The following FHIT variants were observed in gnomAD, a reference collection of about 807,000 sequenced individuals.
FHIT encodes the protein fragile histidine triad diadenosine triphosphatase, also known as bis(5'-adenosyl)-triphosphatase.
Under a neutral mutation model 17.9 loss-of-function variants are expected in FHIT, and 19 were observed. The observed-to-expected ratio is 1.06, with a 90% confidence interval of 0.74 to 1.56. The LOEUF is 1.56. Ranked by LOEUF, FHIT falls within the 40% of genes most tolerant of loss-of-function variation. FHIT has a pLI of 0.00. For missense variants in FHIT, 248 were observed against 189.2 expected (o/e 1.31, Z -1.82); for synonymous variants, 81 against 69.7 (o/e 1.16, Z -0.81).
At chr3:59,786,019 C>T (rs1362983037) in intron 8 of FHIT, among the ~76,000 whole-genome samples, 2 of 152,156 alleles carry the variant, frequency 1.3e-5, no homozygotes, top group African/African-American at 4.8e-5. Flanking sequence ...GTTGTTTCTG[C>T]AGTGTCTGAC....
chr3:60,054,524 A>G (rs1396267985), intron 5 of FHIT, among the ~76,000 whole-genome samples: 1 of 152,192 alleles, frequency 6.6e-6, no homozygotes, highest in Non-Finnish European at 1.5e-5. Context: ...AGGGTTTTCA[A>G]ATTATCCAGA....
At chr3:59,885,682 C>T (rs1703593701) in intron 8 of FHIT, among the ~76,000 whole-genome samples, 1 of 152,090 alleles carries the variant, frequency 6.6e-6, no homozygotes, top group Non-Finnish European at 1.5e-5. Flanking sequence ...AATACATGTG[C>T]CTGGGGTGTC....
In FHIT at chr3:60,659,490, A is replaced by G. The variant is rs528681901; in HGVS notation, c.-17-122511T>C. ...TTTTCTTTCTGTTCCTAAGACTCAT[A>G]ATTTCCTTGTCCTATCTTCAAGTTT... On this transcript the variant is annotated intron_variant, in intron 4 of 9. Transcript: ENST00000492590. 8.6e-5 allele frequency among the ~76,000 whole-genome samples: 13 copies of G among 151,944 alleles called. No individual in the cohort carries two copies. The East Asian group carries it at 2.5e-3, about 29-fold the overall frequency.
intron 8 of FHIT, among the ~76,000 whole-genome samples, chr3:59,893,995 T>A (rs554688296): frequency 2.0e-4 from 30 of 152,192 alleles, no homozygotes; most frequent in Non-Finnish European, 3.8e-4. Context: ...CAGGGAGCAG[T>A]GGCTCATGCC....
intron 7 of FHIT, among the ~76,000 whole-genome samples, chr3:59,974,171 CCTGT>C (rs1165026161): frequency 1.3e-5 from 2 of 152,050 alleles, no homozygotes; most frequent in Admixed American, 6.6e-5. Flanking sequence ...GTTACCATTG[CCTGT>C]CTATTAGGCC....
At chr3:61,154,388 T>A (rs1475270767) in intron 2 of FHIT, among the ~76,000 whole-genome samples, 1 of 151,818 alleles carries the variant, frequency 6.6e-6, no homozygotes, top group Non-Finnish European at 1.5e-5. Flanking sequence ...ACCTGCAGAA[T>A]CAGAAAGGGG....
chr3:60,702,184 T>A (rs2041264452), intron 4 of FHIT, among the ~76,000 whole-genome samples: 2 of 152,158 alleles, frequency 1.3e-5, no homozygotes, highest in African/African-American at 2.4e-5. Context: ...TTTTACTGAA[T>A]ATTAACTTCA....
intron 5 of FHIT, among the ~76,000 whole-genome samples, chr3:60,482,047 T>C (rs2033632119): frequency 6.6e-6 from 1 of 152,064 alleles, no homozygotes; most frequent in Non-Finnish European, 1.5e-5. Context: ...CAAAACAAAC[T>C]TTAAACCAAC....
intron 4 of FHIT, among the ~76,000 whole-genome samples, chr3:60,677,644 G>GTA (rs1553695732): frequency 4.0e-5 from 6 of 151,504 alleles, no homozygotes; most frequent in Admixed American, 6.6e-5. Flanking sequence ...ATGTGTGTGT[G>GTA]TATATATATA....
intron 8 of FHIT, among the ~76,000 whole-genome samples, chr3:59,821,527 G>C (rs971180450): frequency 1.3e-5 from 2 of 152,142 alleles, no homozygotes; most frequent in Admixed American, 6.5e-5. Flanking sequence ...AGAGCAGATG[G>C]GATGCTAACT....
At chr3:60,102,079 G>C (rs981515750) in intron 5 of FHIT, among the ~76,000 whole-genome samples, 1 of 152,190 alleles carries the variant, frequency 6.6e-6, no homozygotes, top group Non-Finnish European at 1.5e-5. Flanking sequence ...TGGTGGGTGA[G>C]TCCCAGAAGT....
chr3:60,830,316 G>C (rs535430695), intron 3 of FHIT, among the ~76,000 whole-genome samples: 1 of 152,040 alleles, frequency 6.6e-6, no homozygotes, highest in Non-Finnish European at 1.5e-5. Flanking sequence ...GTAGTCTCCA[G>C]GTTCAGAGGA....
chr3:59,771,879 A>G (rs1702088410), intron 8 of FHIT, among the ~76,000 whole-genome samples: 1 of 152,216 alleles, frequency 6.6e-6, no homozygotes, highest in African/African-American at 2.4e-5. Context: ...TTTCCCTAGA[A>G]AAATGTGTGC....
intron 8 of FHIT, among the ~76,000 whole-genome samples, chr3:59,817,584 A>C (rs907110767): frequency 4.0e-5 from 6 of 151,344 alleles, no homozygotes; most frequent in Non-Finnish European, 7.4e-5. Flanking sequence ...AAAAAAAGAA[A>C]GAAAGAAAGA....
chr3:60,054,848 G>A (rs1040495690), intron 5 of FHIT, among the ~76,000 whole-genome samples: 8 of 151,966 alleles, frequency 5.3e-5, no homozygotes, highest in Middle Eastern at 3.2e-3. Context: ...CTTAGCCTCC[G>A]CAATAATAAT....
chr3:61,094,913 T>C (rs1438361856), intron 2 of FHIT, among the ~76,000 whole-genome samples: 1 of 152,232 alleles, frequency 6.6e-6, no homozygotes, highest in African/African-American at 2.4e-5. Flanking sequence ...AATTTATACA[T>C]TGTTTATTTC....
At chr3:61,091,645 T>A (rs1024501753) in intron 2 of FHIT, among the ~76,000 whole-genome samples, 1 of 151,910 alleles carries the variant, frequency 6.6e-6, no homozygotes, top group Non-Finnish European at 1.5e-5. Context: ...TAAAACTAAA[T>A]GAAGCTTAGA....
intron 8 of FHIT, among the ~76,000 whole-genome samples, chr3:59,855,028 T>A (rs982314172): frequency 6.6e-6 from 1 of 152,210 alleles, no homozygotes; most frequent in East Asian, 1.9e-4. Context: ...GTGATCACAA[T>A]TGTGGCCTCT....
chr3:59,985,351 C>T (rs1708846183), intron 7 of FHIT, among the ~76,000 whole-genome samples: 1 of 152,076 alleles, frequency 6.6e-6, no homozygotes, highest in African/African-American at 2.4e-5. Flanking sequence ...AAACTCCAGA[C>T]ATAGGGGGTT....
Sources: allele counts gnomAD v4.1 joint callset (sites outside exome capture counted in the v4.1 genomes callset), GRCh38; gene constraint gnomAD v4.1.1; transcripts MANE v1.5; gene names NCBI Gene and HGNC (gene_info 2026-07-23, HGNC 2026-07-21).